The following NDUFA10 variants were observed in gnomAD, a reference collection of about 807,000 sequenced individuals.
NDUFA10 encodes NADH:ubiquinone oxidoreductase subunit A10.
NDUFA10 carries 40 observed loss-of-function variants against 47.8 expected under a neutral mutation model. The ratio of observed to expected loss-of-function variants is 0.84; its 90% confidence interval spans 0.65 to 1.09. NDUFA10 has a LOEUF of 1.09. NDUFA10 is among the 50% of genes least tolerant of loss of function. The pLI is 0.00. For missense variants in NDUFA10, 413 were observed against 451.1 expected, an observed-to-expected ratio of 0.92 and a Z score of 0.76; for synonymous variants, 183 against 172.2, an observed-to-expected ratio of 1.06 and a Z score of -0.49.
At chr2:239,902,134 A>C (rs1439845223) in intron 4 of NDUFA10, among the ~76,000 whole-genome samples, 1 of 152,226 alleles carries the variant, frequency 6.6e-6, no homozygotes, top group Non-Finnish European at 1.5e-5. Flanking sequence ...CAATTTTAAA[A>C]TTTAAAATTT....
intron 9 of NDUFA10, among the ~76,000 whole-genome samples, chr2:239,975,592 T>C (rs547280691): frequency 3.3e-5 from 5 of 152,192 alleles, no homozygotes; most frequent in Admixed American, 6.5e-5. Flanking sequence ...GGCAACAGCA[T>C]AGTGCCCAGC....
intron 4 of NDUFA10, among the ~76,000 whole-genome samples, chr2:239,936,615 G>C (rs1694270498): frequency 6.6e-6 from 1 of 152,178 alleles, no homozygotes; most frequent in Non-Finnish European, 1.5e-5. Context: ...GAAAATCCCT[G>C]CCTTACGCTC....
intron 9 of NDUFA10, among the ~76,000 whole-genome samples, chr2:239,967,584 C>T (rs866996969): frequency 6.6e-6 from 1 of 152,212 alleles, no homozygotes; most frequent in African/African-American, 2.4e-5. Flanking sequence ...TTTAAGTTCA[C>T]TTAGCCCACA....
rs568881373 is a variant in NDUFA10, at chr2:239,906,624, C to T, written c.295-11310G>A. Among the ~76,000 whole-genome samples, 139 of 152,288 alleles carry T rather than the reference C, an allele frequency of 9.1e-4. 2 individuals are homozygous for T. Among genetic ancestry groups the T allele is most frequent in the South Asian group, 4.1e-4 (2 of 4,822 alleles). ...CCCATGGATGGCAAGAGCCAACCAG[C>T]GTGCCCCCGGGAATGCTGGTCCAGA... On this transcript the variant is annotated intron_variant, in intron 4 of 5. Transcript: ENST00000419408. This position sits in a 1 kb window ranked among gnomAD's most constrained non-coding sequence, Gnocchi z 4.3.
intron 4 of NDUFA10, among the ~76,000 whole-genome samples, chr2:240,015,638 C>A (rs1697316302): frequency 6.6e-6 from 1 of 152,264 alleles, no homozygotes; most frequent in Non-Finnish European, 1.5e-5. Flanking sequence ...GGGGCACCCG[C>A]AGGGCCCGTG....
chr2:239,941,211 C>T (rs984357470), intron 4 of NDUFA10, among the ~76,000 whole-genome samples: 1 of 152,206 alleles, frequency 6.6e-6, no homozygotes, highest in African/African-American at 2.4e-5. Flanking sequence ...AATGCAAACA[C>T]ACGAAACAAC....
rs771619677 is a variant in NDUFA10, at chr2:240,000,404, C to A, written c.890+4806G>T. 3.0e-4 allele frequency among the ~76,000 whole-genome samples: 46 copies of A among 150,860 alleles called. 1 individual carries two copies. The highest frequency in any genetic ancestry group is 2.1e-4 in the South Asian group (1 of 4,738). On this transcript the variant is annotated intron_variant, in intron 8 of 9. Coordinates refer to ENST00000252711, the MANE Select transcript of NDUFA10 (RefSeq NM_004544.4). ...GTATCTTAACTAACAACAACAACAACAAAAGTTTAAAAAGTAAAAATAAAT... is the reference window on the plus strand; with the variant it reads ...GTATCTTAACTAACAACAACAACAAAAAAAGTTTAAAAAGTAAAAATAAAT...
chr2:239,914,295 A>G (rs1693802943), intron 4 of NDUFA10, among the ~76,000 whole-genome samples: 1 of 152,100 alleles, frequency 6.6e-6, no homozygotes, highest in African/African-American at 2.4e-5. Flanking sequence ...ATAGACACAC[A>G]GAGATACTCA....
intron 4 of NDUFA10, among the ~76,000 whole-genome samples, chr2:239,927,849 G>C (rs150109529): frequency 6.6e-6 from 1 of 152,304 alleles, no homozygotes; most frequent in Non-Finnish European, 1.5e-5. Context: ...CAACAAATGA[G>C]TGTGAGGAAA....
intron 9 of NDUFA10, chr2:239,983,423 ATTT>A (rs1382053429): frequency 6.8e-7 from 1 of 1,475,834 alleles, no homozygotes; most frequent in African/African-American, 1.4e-5. Flanking sequence ...GGTCATTATT[ATTT>A]ATTACTATTT....
At chr2:239,980,175 G>A (rs1313298638) in intron 9 of NDUFA10, among the ~76,000 whole-genome samples, 1 of 152,200 alleles carries the variant, frequency 6.6e-6, no homozygotes. Flanking sequence ...TGAGGGCAGG[G>A]CTTGGCTTCA....
At chr2:239,953,882 C>T (rs992158298), downstream of NDUFA10, among the ~76,000 whole-genome samples, 5 of 152,256 alleles carry the variant, frequency 3.3e-5, no homozygotes, top group Non-Finnish European at 4.4e-5. Context: ...CCAGGAAGAG[C>T]GAGGTGGAGG....
chr2:239,929,199 G>A (rs531555455), intron 4 of NDUFA10, among the ~76,000 whole-genome samples: 64 of 152,322 alleles, frequency 4.2e-4, no homozygotes, highest in Admixed American at 1.5e-3. Flanking sequence ...AGTGATGTGC[G>A]TGCTTGGCAC....
At chr2:239,908,004 C>T (rs1412072723) in intron 4 of NDUFA10, among the ~76,000 whole-genome samples, 1 of 152,144 alleles carries the variant, frequency 6.6e-6, no homozygotes, top group Non-Finnish European at 1.5e-5. Context: ...ACCCAGATGT[C>T]CATCAATGAT....
chr2:240,014,812 A>C lies in NDUFA10; in HGVS notation c.596T>G (p.Leu199Arg). ...EVKSVTICDYLPPHLVIYIDV... is the reference protein window; with the variant it reads ...EVKSVTICDYRPPHLVIYIDV... ...GATGTAAATCACCAGGTGGGGGGGC[A>C]GGTAATCGCAGATGGTGACGCTCTT... The change falls in exon 5 of 10, where the codon CTG (leucine) becomes CGG (arginine). Residue 199 changes from leucine to arginine, a missense_variant. By Grantham distance (102) the Leu-to-Arg change is moderately radical (BLOSUM62 -2). Coordinates refer to ENST00000252711, the MANE Select transcript of NDUFA10 (RefSeq NM_004544.4). 1 of 1,614,210 alleles carries C rather than the reference A, an allele frequency of 6.2e-7. No individual in the cohort carries two copies. The highest frequency in any genetic ancestry group is 1.1e-5 in the South Asian group (1 of 91,088).
chr2:239,978,971 A>G (rs1695649106), intron 9 of NDUFA10, among the ~76,000 whole-genome samples: 1 of 152,192 alleles, frequency 6.6e-6, no homozygotes, highest in South Asian at 2.1e-4. Context: ...AGCTCTTTTC[A>G]TGTGAAAGTT....
chr2:239,932,028 G>T (rs1019336194), intron 4 of NDUFA10, among the ~76,000 whole-genome samples: 4 of 151,824 alleles, frequency 2.6e-5, no homozygotes, highest in Non-Finnish European at 4.4e-5. Flanking sequence ...TAGAGACGGG[G>T]TTTCACCATA....
chr2:239,995,246 G>A (rs1334430672), intron 8 of NDUFA10, among the ~76,000 whole-genome samples: 1 of 152,044 alleles, frequency 6.6e-6, no homozygotes, highest in Non-Finnish European at 1.5e-5. Context: ...TGCAGCCTGG[G>A]CGATGGGCAA....
rs544315402 is a variant in NDUFA10 at position 240,017,008 on chromosome 2, A to G, written c.547+1545T>C. ...GGAAACCACCCACCCAGGCCTGCCC[A>G]GTGTCCCTCCTGAGCGGCAACTCCC... On this transcript the variant is annotated intron_variant, in intron 4 of 9. Transcript: ENST00000252711. Among the ~76,000 whole-genome samples, 28 of 151,724 alleles carry G rather than the reference A, an allele frequency of 1.8e-4. 1 individual carries two copies. The highest frequency in any genetic ancestry group is 6.8e-4 in the African/African-American group (28 of 41,438).
Sources: gnomAD v4.1 joint callset for allele counts (sites outside exome capture counted in the v4.1 genomes callset) on GRCh38, gnomAD v4.1.1 for gene constraint, Gnocchi (gnomAD v3.1) non-coding constraint, MANE v1.5 for transcripts, NCBI Gene and HGNC (gene_info 2026-07-23, HGNC 2026-07-21) for gene names.